The following SRPK1 variants were observed in gnomAD, a reference collection of about 807,000 sequenced individuals.
SRPK1 encodes the protein SFRS protein kinase 1.
SRPK1 carries 52 observed loss-of-function variants against 89.5 expected under a neutral mutation model. That is an observed-to-expected ratio of 0.58 (90% CI 0.46 to 0.73). The LOEUF (loss-of-function observed/expected upper bound fraction) is 0.73, where lower values mean the gene tolerates loss of function less well. Ranked by LOEUF, SRPK1 falls within the 30% of genes least tolerant of loss-of-function variation. The probability of loss-of-function intolerance (pLI) is 0.00; values close to 1 mark genes in which losing one functional copy is unlikely to be tolerated. For missense variants in SRPK1, 603 were observed against 780.6 expected, an observed-to-expected ratio of 0.77 and a Z score of 2.71; for synonymous variants, 255 against 270.2, an observed-to-expected ratio of 0.94 and a Z score of 0.55.
Position 35,838,338 on chromosome 6 carries a change from T to A in SRPK1, c.1782A>T (p.Lys594Asn), listed in dbSNP as rs1204010878. The A allele has an allele frequency of 1.3e-6, 2 of 1,560,860 alleles. No homozygotes were observed. The highest frequency in any genetic ancestry group is 2.3e-5 in the East Asian group (1 of 43,814). ...GKYSKEFFTK[K>N]GDLKHITKLK... ...TGTCTGGGAACACATTTACTTTACC[T>A]TTTTTGGTGAAAAATTCCTTGGAAT... The change falls in exon 15 of 16, where the codon AAA (lysine) becomes AAT (asparagine). Residue 594 changes from lysine (K) to asparagine (N), a missense_variant and splice_region_variant. Lys to Asn is a moderately conservative substitution (Grantham distance 94, BLOSUM62 0). Coordinates refer to ENST00000373825, the MANE Select transcript of SRPK1 (RefSeq NM_003137.5).
intron 2 of SRPK1, among the ~76,000 whole-genome samples, chr6:35,904,450 A>G (rs925502076): frequency 6.6e-6 from 1 of 152,202 alleles, no homozygotes; most frequent in Non-Finnish European, 1.5e-5. Flanking sequence ...CAGAGATTAC[A>G]TACTACAGGC....
In SRPK1 at chr6:35,869,125, C is replaced by T. The variant is rs1283787524; in HGVS notation, c.1412-15G>A. The T allele has an allele frequency of 6.3e-7, 1 of 1,596,368 alleles. No individual in the cohort carries two copies. The highest frequency in any genetic ancestry group is 8.6e-7 in the Non-Finnish European group (1 of 1,165,486). ...CGTGGATTTTCCTACAGACAACAGG[C>T]ATCATCAATAAGACTGTTCAATGAA... On this transcript the variant is annotated splice_polypyrimidine_tract_variant and intron_variant, in intron 11 of 15. Transcript: ENST00000373825.
intron 6 of SRPK1, among the ~76,000 whole-genome samples, chr6:35,879,693 A>C (rs1409007949): frequency 2.0e-5 from 3 of 152,258 alleles, no homozygotes; most frequent in Non-Finnish European, 4.4e-5. Flanking sequence ...CAGCATATTC[A>C]AACGACAAAA....
At chr6:35,917,204 G>C (rs1581604341) in intron 2 of SRPK1, among the ~76,000 whole-genome samples, 2 of 152,298 alleles carry the variant, frequency 1.3e-5, no homozygotes, top group East Asian at 3.9e-4. Context: ...CTGTTTCATA[G>C]ACACAGGACA....
rs1581998281 is a variant in SRPK1, at chr6:35,857,124, T to C, written c.1620+137A>G. 5 of 660,286 alleles carry C rather than the reference T, an allele frequency of 7.6e-6. No homozygotes were observed. The East Asian group carries it at 1.4e-4, about 18-fold the overall frequency. 40.9% of individuals were successfully genotyped at this position (660,286 alleles called of 1,614,324 possible). A position where few individuals can be genotyped will look rare whatever the true frequency, so the allele number is the denominator to read the frequency against. On this transcript the variant is annotated intron_variant, in intron 13 of 15. Transcript: ENST00000373825. ...TTTTGAATTCGGACCTCTCTAGACATAGAATTTAGAATACCTATGGTAAAT... is the reference window on the plus strand; with the variant it reads ...TTTTGAATTCGGACCTCTCTAGACACAGAATTTAGAATACCTATGGTAAAT...
intron 13 of SRPK1, among the ~76,000 whole-genome samples, chr6:35,848,659 A>G (rs1339515701): frequency 6.6e-6 from 1 of 152,252 alleles, no homozygotes; most frequent in African/African-American, 2.4e-5. Flanking sequence ...AAGCAGACGC[A>G]TAGACCAAAG....
chr6:35,920,552 A>C (rs1771212080), intron 1 of SRPK1, 24 bp from the exon 2 acceptor site: 2 of 1,610,532 alleles, frequency 1.2e-6, no homozygotes, highest in Non-Finnish European at 1.7e-6. Context: ...GGATGGATGA[A>C]GGGCGAATGT....
chr6:35,919,074 T>G (rs1193622442), intron 2 of SRPK1, among the ~76,000 whole-genome samples: 1 of 152,190 alleles, frequency 6.6e-6, no homozygotes, highest in Non-Finnish European at 1.5e-5. Context: ...AAGTAACATT[T>G]CAAGTCCTAC....
intron 12 of SRPK1, among the ~76,000 whole-genome samples, chr6:35,860,682 A>T (rs1395079594): frequency 6.6e-6 from 1 of 152,182 alleles, no homozygotes; most frequent in East Asian, 1.9e-4. Flanking sequence ...TTGTGATATG[A>T]TGTACATTCT....
intron 7 of SRPK1, among the ~76,000 whole-genome samples, chr6:35,873,704 G>C (rs1030580299): frequency 6.6e-6 from 1 of 152,034 alleles, no homozygotes; most frequent in Non-Finnish European, 1.5e-5. Context: ...TGGCCAGGCT[G>C]GTCTCGAGCT....
intron 12 of SRPK1, among the ~76,000 whole-genome samples, chr6:35,863,999 T>C (rs932846366): frequency 3.0e-4 from 46 of 151,922 alleles, no homozygotes; most frequent in Admixed American, 1.4e-3. Flanking sequence ...TGCAGAAAAA[T>C]GAAACTCAAT....
intron 6 of SRPK1, among the ~76,000 whole-genome samples, chr6:35,877,430 G>T (rs1398253623): frequency 6.6e-6 from 1 of 152,194 alleles, no homozygotes; most frequent in Non-Finnish European, 1.5e-5. Context: ...AATCGATCAT[G>T]TGAAACTGAC....
intron 6 of SRPK1, among the ~76,000 whole-genome samples, chr6:35,882,923 C>A (rs951615862): frequency 6.6e-6 from 1 of 151,954 alleles, no homozygotes; most frequent in African/African-American, 2.4e-5. Flanking sequence ...ATTCTCCTAC[C>A]TCAGCCTCCC....
chr6:35,838,111 G>A (rs1222718163), intron 15 of SRPK1, among the ~76,000 whole-genome samples: 1 of 151,724 alleles, frequency 6.6e-6, no homozygotes, highest in Non-Finnish European at 1.5e-5. Context: ...ATTGTGATTC[G>A]CCCACCTTGG....
intron 11 of SRPK1, 51 bp from the exon 12 acceptor site, chr6:35,869,161 C>A (rs761837780): frequency 7.0e-7 from 1 of 1,428,592 alleles, no homozygotes; most frequent in South Asian, 1.2e-5. Flanking sequence ...CAGAGAAATA[C>A]TCAATGAGTA....
rs376447444 is a variant in SRPK1, at chr6:35,850,393, C to T, written c.1620+6868G>A. ...ACCAACAGCAGGGGAATGAAGCAAA[C>T]GAAAGATGTCTTAACAGCAAGGAAG... On this transcript the variant is annotated intron_variant, in intron 13 of 15. Transcript: ENST00000373825. Among the ~76,000 whole-genome samples, 12 of 152,082 alleles carry T rather than the reference C, an allele frequency of 7.9e-5. No individual in the cohort carries two copies. In the South Asian group the frequency reaches 1.5e-3, roughly 18 times the overall value.
intron 14 of SRPK1, among the ~76,000 whole-genome samples, chr6:35,841,656 AC>A (rs1446780233): frequency 6.6e-6 from 1 of 151,856 alleles, no homozygotes; most frequent in Admixed American, 6.6e-5. Context: ...ACATGGTGAA[AC>A]CCCGTCTCTA....
chr6:35,844,899 C>A (rs556229626), intron 13 of SRPK1, among the ~76,000 whole-genome samples: 3 of 152,056 alleles, frequency 2.0e-5, no homozygotes, highest in Non-Finnish European at 2.9e-5. Flanking sequence ...AAACACAGAG[C>A]CAGCCGCGGC....
chr6:35,917,639 T>C (rs1771140384), intron 2 of SRPK1, among the ~76,000 whole-genome samples: 1 of 152,170 alleles, frequency 6.6e-6, no homozygotes, highest in Admixed American at 6.5e-5. Context: ...ATTCCAAGTT[T>C]TGGTTCTTCT....
Sources: allele counts gnomAD v4.1 joint callset (sites outside exome capture counted in the v4.1 genomes callset), GRCh38; gene constraint gnomAD v4.1.1; transcripts MANE v1.5; gene names NCBI Gene and HGNC (gene_info 2026-07-23, HGNC 2026-07-21).